Variants in ZNF804B observed in about 807,000 individuals in gnomAD.
The protein encoded by ZNF804B is zinc finger protein 804B.
Under a neutral mutation model 101.4 loss-of-function variants are expected in ZNF804B, and 80 were observed. The ratio of observed to expected loss-of-function variants is 0.79; its 90% CI spans 0.66 to 0.95. The LOEUF (loss-of-function observed/expected upper bound fraction) is 0.95, where lower values mean the gene tolerates loss of function less well. Among genes scored for constraint, ZNF804B ranks in the 40% least tolerant of loss-of-function variants. ZNF804B has a pLI of 0.00. For synonymous variants in ZNF804B, 622 were observed against 558.8 expected, an observed-to-expected ratio of 1.11 and a Z score of -1.59; for missense variants, 1,673 against 1,561.9, an observed-to-expected ratio of 1.07 and a Z score of -1.20.
intron 3 of ZNF804B, among the ~76,000 whole-genome samples, chr7:89,329,853 T>C (rs1790951377): frequency 6.6e-6 from 1 of 151,660 alleles, no homozygotes; most frequent in Non-Finnish European, 1.5e-5. Context: ...AGCTCTTATA[T>C]GAAGTTTTTC....
At chr7:89,236,064 G>C (rs943201867) in intron 2 of ZNF804B, among the ~76,000 whole-genome samples, 2 of 152,000 alleles carry the variant, frequency 1.3e-5, no homozygotes, top group African/African-American at 4.8e-5. Context: ...ATGCTTAGTA[G>C]GTGTAATAAT....
At chr7:88,896,412 A>G (rs559735333) in intron 1 of ZNF804B, among the ~76,000 whole-genome samples, 1 of 152,348 alleles carries the variant, frequency 6.6e-6, no homozygotes, top group South Asian at 2.1e-4. Flanking sequence ...AATAAAAGGA[A>G]TAATGAAACT....
intron 2 of ZNF804B, among the ~76,000 whole-genome samples, chr7:89,262,411 C>T (rs191343130): frequency 1.2e-4 from 19 of 152,218 alleles, no homozygotes; most frequent in Non-Finnish European, 2.8e-4. Flanking sequence ...CCTGGCTTCT[C>T]TATTTATTAG....
chr7:89,089,581 A>G (rs939955909), intron 1 of ZNF804B, among the ~76,000 whole-genome samples: 2 of 152,078 alleles, frequency 1.3e-5, no homozygotes, highest in Non-Finnish European at 2.9e-5. Flanking sequence ...ACACATACCA[A>G]TACAAATGCA....
At chr7:88,898,463 T>C (rs541305907) in intron 1 of ZNF804B, among the ~76,000 whole-genome samples, 69 of 152,000 alleles carry the variant, frequency 4.5e-4, no homozygotes, top group African/African-American at 1.6e-3. Flanking sequence ...CTAGATACTT[T>C]GTTATCCATG....
At chr7:89,074,505 C>G (rs1268506200) in intron 1 of ZNF804B, among the ~76,000 whole-genome samples, 1 of 152,160 alleles carries the variant, frequency 6.6e-6, no homozygotes, top group Non-Finnish European at 1.5e-5. Context: ...CTGCCCTCAT[C>G]CATGTAATAT....
chr7:89,071,187 CT>C (rs1209487790), intron 1 of ZNF804B, among the ~76,000 whole-genome samples: 2 of 151,994 alleles, frequency 1.3e-5, no homozygotes, highest in Non-Finnish European at 2.9e-5. Context: ...CACAATTGCC[CT>C]TTTTCTGAGT....
At chr7:89,087,258 T>A (rs550597595) in intron 1 of ZNF804B, among the ~76,000 whole-genome samples, 14 of 151,894 alleles carry the variant, frequency 9.2e-5, no homozygotes, top group Non-Finnish European at 2.1e-4. Flanking sequence ...TTTTCAATTC[T>A]TGATTTGCCC....
In ZNF804B at chr7:88,873,500, T is replaced by G. The variant is rs575245579; in HGVS notation, c.108+113416T>G. Among the ~76,000 whole-genome samples the G allele has an allele frequency of 5.3e-5, 8 of 152,302 alleles. No individual in the cohort carries two copies. In the East Asian group the frequency reaches 1.5e-3, roughly 29 times the overall value. On this transcript the variant is annotated intron_variant, in intron 1 of 3. Transcript: ENST00000333190. ...TAGATCCCATTTGTCAATTTTGGCTTTTGTTGCCATTCCTTTTGGTGTTTT... is the reference window on the plus strand; with the variant it reads ...TAGATCCCATTTGTCAATTTTGGCTGTTGTTGCCATTCCTTTTGGTGTTTT...
chr7:89,108,932 A>C (rs1459872333), intron 1 of ZNF804B, among the ~76,000 whole-genome samples: 1 of 152,156 alleles, frequency 6.6e-6, no homozygotes, highest in East Asian at 1.9e-4. Context: ...TTTCTGTTGC[A>C]TTTAAACTGC....
In ZNF804B at chr7:89,336,635, C is replaced by T; in HGVS notation, c.3653C>T (p.Ala1218Val). 1 of 1,614,120 alleles carries T rather than the reference C, an allele frequency of 6.2e-7. No individual in the cohort carries two copies. Among genetic ancestry groups the T allele is most frequent in the Non-Finnish European group, 8.5e-7 (1 of 1,180,012 alleles). ...TIHHTFLQHF[A>V]VSASLSSHSS... ...CACCACACGTTCCTGCAGCATTTTG[C>T]TGTTTCTGCTTCCTTAAGTTCTCAT... The change falls in exon 4 of 4, where the codon GCT (alanine) becomes GTT (valine). Residue 1218 changes from alanine to valine, a missense_variant. Physicochemically the swap from Ala to Val is moderately conservative, Grantham distance 64. Transcript: ENST00000333190.
At chr7:89,318,376 A>G (rs1165360627) in intron 2 of ZNF804B, among the ~76,000 whole-genome samples, 1 of 152,220 alleles carries the variant, frequency 6.6e-6, no homozygotes, top group Non-Finnish European at 1.5e-5. Context: ...AATAGTGATC[A>G]TGCAAACAAA....
chr7:89,148,412 T>G (rs1790821822), intron 1 of ZNF804B, among the ~76,000 whole-genome samples: 1 of 152,048 alleles, frequency 6.6e-6, no homozygotes, highest in African/African-American at 2.4e-5. Context: ...ATAAGAGTAT[T>G]TGAGCAGGAA....
chr7:88,950,360 A>G (rs999113563), intron 1 of ZNF804B, among the ~76,000 whole-genome samples: 6 of 151,936 alleles, frequency 3.9e-5, no homozygotes, highest in African/African-American at 1.2e-4. Flanking sequence ...CAAAAAATAG[A>G]TGATTCAATA....
At chr7:89,321,187 A>G (rs2115968505) in intron 2 of ZNF804B, among the ~76,000 whole-genome samples, 1 of 152,294 alleles carries the variant, frequency 6.6e-6, no homozygotes, top group East Asian at 1.9e-4. Flanking sequence ...AACTGTAATA[A>G]ATTTATGATG....
intron 1 of ZNF804B, among the ~76,000 whole-genome samples, chr7:88,844,713 C>T (rs541578564): frequency 3.0e-4 from 46 of 152,198 alleles, no homozygotes; most frequent in Non-Finnish European, 1.0e-4. Context: ...TTCCCTTCCC[C>T]GTCTGAATCT....
rs540970086 is a variant in ZNF804B, at chr7:89,194,494, G to T, written c.109-23661G>T. On this transcript the variant is annotated intron_variant, in intron 1 of 3. Transcript: ENST00000333190. ...CATCTTGAATTAATTTTTGTATAAG[G>T]TGTAAGGAAGGGATCCAGTTTCAGC... 5.1e-3 allele frequency among the ~76,000 whole-genome samples: 760 copies of T among 150,380 alleles called. 8 individuals carry two copies. Among genetic ancestry groups the T allele is most frequent in the Non-Finnish European group, 5.6e-3 (376 of 67,566 alleles).
chr7:88,934,495 G>T lies in ZNF804B; in HGVS notation c.108+174411G>T, dbSNP rs78231724. Among the ~76,000 whole-genome samples, 479 of 151,948 alleles carry T rather than the reference G, an allele frequency of 3.2e-3. 4 individuals are homozygous for T. Among genetic ancestry groups the T allele is most frequent in the African/African-American group, 0.011 (456 of 41,500 alleles). ...GAATGGGAGAAAACATTCACAAACTGTGAGTCCAACAAAGGAATAATATCC... is the reference window on the plus strand; with the variant it reads ...GAATGGGAGAAAACATTCACAAACTTTGAGTCCAACAAAGGAATAATATCC... On this transcript the variant is annotated intron_variant, in intron 1 of 3. Transcript: ENST00000333190.
chr7:88,800,727 TGTGTGTGC>T (rs1018621569), intron 1 of ZNF804B, among the ~76,000 whole-genome samples: 6 of 137,760 alleles, frequency 4.4e-5, no homozygotes, highest in African/African-American at 1.7e-4. Context: ...TGTGTGTGTG[TGTGTGTGC>T]TTAAAGCATA....
Sources: gnomAD v4.1 joint callset for allele counts (sites outside exome capture counted in the v4.1 genomes callset) on GRCh38, gnomAD v4.1.1 for gene constraint, MANE v1.5 for transcripts, NCBI Gene and HGNC (gene_info 2026-07-23, HGNC 2026-07-21) for gene names.